CSMD1: variants seen among roughly 807,000 people sequenced by gnomAD.
CSMD1 encodes the protein CUB and sushi domain-containing protein 1.
A neutral mutation model predicts 417.5 loss-of-function variants in CSMD1; 213 were observed. That is an observed-to-expected ratio of 0.51 (90% CI 0.46 to 0.57). The LOEUF is 0.57. CSMD1 is among the 20% of genes least tolerant of loss of function. The probability of loss-of-function intolerance (pLI) is 0.00; values close to 1 mark genes in which losing one functional copy is unlikely to be tolerated. For synonymous variants in CSMD1, 2,862 were observed against 1,736.8 expected (o/e 1.65, Z -16.11); for missense variants, 6,923 against 4,529.7 (o/e 1.53, Z -15.17).
chr8:3,214,485 G>A lies in CSMD1; in HGVS notation c.4867+12C>T, dbSNP rs778654732. On this transcript the variant is annotated intron_variant, in intron 30 of 69. Transcript: ENST00000635120. Reference sequence around the variant, plus strand: ...AGTTGTATTTCTAGAAAATACCCAAGCGTGCACTCACCATTGCAGGAGGGC... The same window carrying A: ...AGTTGTATTTCTAGAAAATACCCAAACGTGCACTCACCATTGCAGGAGGGC... 6.4e-7 allele frequency: 1 copy of A among 1,567,672 alleles called. No individual in the cohort carries two copies. Among genetic ancestry groups the A allele is most frequent in the African/African-American group, 1.4e-5 (1 of 73,746 alleles).
chr8:3,615,733 C>T (rs11136644), intron 8 of CSMD1, among the ~76,000 whole-genome samples: 80,358 of 151,950 alleles, frequency 0.53, 21,600 homozygotes, highest in Middle Eastern at 0.65. Flanking sequence ...CCCACTTCAG[C>T]AGCCTTAGCT....
intron 1 of CSMD1, among the ~76,000 whole-genome samples, chr8:4,807,198 C>A (rs1301581472): frequency 1.3e-5 from 2 of 152,140 alleles, no homozygotes; most frequent in African/African-American, 4.8e-5. Context: ...ACTTTTCATT[C>A]CCATCTGCCT....
At chr8:3,420,271 G>C (rs991016083) in intron 12 of CSMD1, among the ~76,000 whole-genome samples, 1 of 151,852 alleles carries the variant, frequency 6.6e-6, no homozygotes, top group African/African-American at 2.4e-5. Context: ...ACAACCTGAG[G>C]AATAGTCTAC....
At chr8:3,420,363 G>C (rs1813408191) in intron 12 of CSMD1, among the ~76,000 whole-genome samples, 1 of 151,080 alleles carries the variant, frequency 6.6e-6, no homozygotes, top group South Asian at 2.1e-4. Flanking sequence ...GACCAGATGA[G>C]GCAAGACAAT....
rs200212897 is a variant in CSMD1, at chr8:4,627,011, C to T, written c.302+10331G>A. 2.6e-5 allele frequency among the ~76,000 whole-genome samples: 4 copies of T among 152,094 alleles called. 1 individual carries two copies. Among genetic ancestry groups the T allele is most frequent in the Non-Finnish European group, 4.4e-5 (3 of 68,024 alleles). On this transcript the variant is annotated intron_variant, in intron 2 of 69. Transcript: ENST00000635120. ...TGGTAAAGCAAGTAATTGCTTCATA[C>T]TCTAAGTAATATTATATTCCTTTTT...
intron 5 of CSMD1, among the ~76,000 whole-genome samples, chr8:3,890,221 A>T (rs1806866559): frequency 6.6e-6 from 1 of 152,186 alleles, no homozygotes. Context: ...ACTTTTAATA[A>T]AAGATAAGAA....
chr8:3,980,460 A>T (rs1447089211), intron 5 of CSMD1, among the ~76,000 whole-genome samples: 2 of 151,500 alleles, frequency 1.3e-5, no homozygotes, highest in Non-Finnish European at 2.9e-5. Flanking sequence ...GTTTGTGAAG[A>T]TTTTTTTTTG....
chr8:4,710,610 C>G, intron 1 of CSMD1, among the ~76,000 whole-genome samples: 1 of 151,160 alleles, frequency 6.6e-6, no homozygotes, highest in East Asian at 1.9e-4. Context: ...CTTTGGGAGA[C>G]TCAGATGGGT....
At chr8:3,410,660 GC>G (rs928357658) in intron 12 of CSMD1, among the ~76,000 whole-genome samples, 2 of 152,142 alleles carry the variant, frequency 1.3e-5, no homozygotes, top group African/African-American at 2.4e-5. Context: ...TTTATAAATT[GC>G]CCAGTCTTGG....
chr8:4,162,192 A>C (rs1339349181), intron 3 of CSMD1, among the ~76,000 whole-genome samples: 1 of 152,192 alleles, frequency 6.6e-6, no homozygotes, highest in Non-Finnish European at 1.5e-5. Flanking sequence ...TTTTCTTTCC[A>C]AAATTATATG....
At chr8:3,244,888 C>T (rs1245699476) in intron 26 of CSMD1, among the ~76,000 whole-genome samples, 12 of 150,496 alleles carry the variant, frequency 8.0e-5, no homozygotes, top group Non-Finnish European at 1.3e-4. Context: ...TGACTCTCAG[C>T]CCAGTCCTCC....
chr8:3,709,767 G>T lies in CSMD1; in HGVS notation c.932-1276C>A, dbSNP rs144694664. ...CACCGGCTTTCCTGGTCTCCAACTT[G>T]CTGACTTACCCCTTTCAGGTCTTCG... On this transcript the variant is annotated intron_variant, in intron 6 of 69. Transcript: ENST00000635120. Among the ~76,000 whole-genome samples the T allele has an allele frequency of 3.1e-5, 4 of 130,902 alleles. 1 individual carries two copies. The allele number at this position is 130,902 out of a possible 152,430, so 85.9% of individuals were successfully genotyped here.
intron 25 of CSMD1, among the ~76,000 whole-genome samples, chr8:3,299,391 G>C (rs941205093): frequency 1.3e-5 from 2 of 152,144 alleles, no homozygotes; most frequent in Non-Finnish European, 2.9e-5. Flanking sequence ...GGTGGAGGTT[G>C]CAGTGAGCCA....
chr8:4,542,058 C>T (rs1797412712), intron 2 of CSMD1, among the ~76,000 whole-genome samples: 1 of 152,088 alleles, frequency 6.6e-6, no homozygotes, highest in Admixed American at 6.6e-5. Flanking sequence ...TCCCCGTGTG[C>T]AATGGGCGCC....
intron 1 of CSMD1, among the ~76,000 whole-genome samples, chr8:4,736,385 G>T (rs892029768): frequency 6.6e-6 from 1 of 151,348 alleles, no homozygotes. Context: ...AAGATTCCAG[G>T]AGAGAGAGAG....
intron 26 of CSMD1, among the ~76,000 whole-genome samples, chr8:3,251,065 T>C (rs1800218848): frequency 6.6e-6 from 1 of 152,210 alleles, no homozygotes. Flanking sequence ...CTCTTTAGTT[T>C]AATTAGATCC....
At chr8:3,003,064 T>C (rs1455269832) in intron 52 of CSMD1, among the ~76,000 whole-genome samples, 1 of 152,244 alleles carries the variant, frequency 6.6e-6, no homozygotes, top group Non-Finnish European at 1.5e-5. Flanking sequence ...TCACCTGTTA[T>C]CACTTTCCAG....
chr8:4,627,675 G>A (rs1194921093), intron 2 of CSMD1, among the ~76,000 whole-genome samples: 3 of 151,988 alleles, frequency 2.0e-5, no homozygotes, highest in African/African-American at 4.8e-5. Context: ...AGCTGCTCCG[G>A]GATGCCCCAG....
At position 4,429,051 on chromosome 8, in the gene CSMD1, C is replaced by T. The variant is rs79809124; in HGVS notation, c.303-8986G>A. 2.1e-3 allele frequency among the ~76,000 whole-genome samples: 315 copies of T among 152,010 alleles called. 7 individuals carry two copies. The East Asian group carries it at 0.043, about 21-fold the overall frequency. ...ATTTTTTTAATAAGAGTTTTACATA[C>T]TTACAGTGTACAATACAATGTCTCA... is the stretch of plus-strand genomic sequence containing the variant. On this transcript the variant is annotated intron_variant, in intron 2 of 69. Coordinates refer to ENST00000635120, the MANE Select transcript of CSMD1 (RefSeq NM_033225.6).
Sources: allele counts gnomAD v4.1 joint callset (sites outside exome capture counted in the v4.1 genomes callset), GRCh38; gene constraint gnomAD v4.1.1; transcripts MANE v1.5; gene names NCBI Gene and HGNC (gene_info 2026-07-23, HGNC 2026-07-21).